The following CCT5 variants were observed in gnomAD, a reference collection of about 807,000 sequenced individuals.
The protein encoded by CCT5 is chaperonin containing TCP1 subunit 5.
In CCT5, 6 loss-of-function variants were observed where a neutral mutation model predicts 55.0. The observed-to-expected ratio is 0.11, with a 90% confidence interval of 0.06 to 0.22. The LOEUF is 0.22. Ranked by LOEUF, CCT5 falls within the 10% of genes least tolerant of loss-of-function variation. The pLI is 1.00. For missense variants in CCT5, 560 were observed against 694.6 expected (o/e 0.81, Z 2.18); for synonymous variants, 231 against 243.7 (o/e 0.95, Z 0.49).
At chr5:10,252,285 T>C (rs913076415) in intron 1 of CCT5, among the ~76,000 whole-genome samples, 8 of 152,060 alleles carry the variant, frequency 5.3e-5, no homozygotes, top group Non-Finnish European at 1.2e-4. Flanking sequence ...AACCAAAATA[T>C]ATGGAAATTG....
At chr5:10,252,782 AAC>A (rs1355139000) in intron 1 of CCT5, among the ~76,000 whole-genome samples, 1 of 152,216 alleles carries the variant, frequency 6.6e-6, no homozygotes, top group African/African-American at 2.4e-5. Context: ...TCCCTCTGGA[AAC>A]ACACAGAACT....
At chr5:10,253,551 C>G (rs1745533830) in intron 1 of CCT5, among the ~76,000 whole-genome samples, 1 of 152,158 alleles carries the variant, frequency 6.6e-6, no homozygotes, top group Non-Finnish European at 1.5e-5. Context: ...GCATCCAGCT[C>G]AAAAGATTAC....
intron 7 of CCT5, chr5:10,261,306 G>A (rs1579455636): frequency 1.9e-6 from 1 of 531,830 alleles, no homozygotes; most frequent in Admixed American, 3.2e-5. Flanking sequence ...TGGGAGATGA[G>A]GGTATGAGCT....
In CCT5 at chr5:10,258,150, G is replaced by C. The variant is rs1481835420; in HGVS notation, c.570G>C (p.Val190=). ...SCHRQMAEIA[V]NAVLTVADME... ...ACCGACAGATGGCTGAGATTGCTGTGAATGCCGTCCTCACTGTAGCAGATA... is the reference window on the plus strand; with the variant it reads ...ACCGACAGATGGCTGAGATTGCTGTCAATGCCGTCCTCACTGTAGCAGATA... The change falls in exon 5 of 11, where the codon GTG becomes GTC. Residue 190 remains valine (V), a synonymous_variant. Coordinates refer to ENST00000280326, the MANE Select transcript of CCT5 (RefSeq NM_012073.5). The C allele has an allele frequency of 5.0e-6, 8 of 1,614,108 alleles. No homozygotes were observed. The African/African-American group carries it at 6.7e-5, about 13-fold the overall frequency.
intron 4 of CCT5, among the ~76,000 whole-genome samples, chr5:10,256,561 AAACTAGCCAGGCATGGTAGC>A (rs1231369084): frequency 6.6e-6 from 1 of 152,116 alleles, no homozygotes; most frequent in Non-Finnish European, 1.5e-5. Flanking sequence ...ACAAAACAAA[AAACTAGCCAGGCATGGTAGC>A]ACACACTTCA....
intron 6 of CCT5, among the ~76,000 whole-genome samples, chr5:10,258,809 C>T (rs745421184): frequency 7.2e-5 from 11 of 152,144 alleles, no homozygotes; most frequent in Non-Finnish European, 1.5e-4. Context: ...CTGACTAACA[C>T]GGTGAAACGC....
chr5:10,261,111 C>T lies in CCT5; in HGVS notation c.993+200C>T, dbSNP rs2578637. The T allele has an allele frequency of 0.016, 10,743 of 658,272 alleles. 852 individuals carry two copies. In the East Asian group the frequency reaches 0.21, roughly 13 times the overall value. The allele number at this position is 658,272 out of a possible 1,614,324, so 40.8% of individuals were successfully genotyped here. ...GCTGTGTGTTTCTGGTGTTCCCTGG[C>T]ATTTTGAAATTCTCTCCCTGTGTTG... On this transcript the variant is annotated intron_variant, in intron 7 of 10. Coordinates refer to ENST00000280326, the MANE Select transcript of CCT5 (RefSeq NM_012073.5).
intron 1 of CCT5, among the ~76,000 whole-genome samples, chr5:10,252,540 G>A (rs760142910): frequency 2.0e-5 from 3 of 151,856 alleles, no homozygotes; most frequent in Non-Finnish European, 4.4e-5. Flanking sequence ...GCTGGAACCT[G>A]GGAGGCAGAG....
At chr5:10,249,931 AAAACCGG>A, upstream of CCT5, 1 of 649,776 alleles carries the variant, frequency 1.5e-6, no homozygotes, top group Non-Finnish European at 1.9e-6. Context: ...AAAAAAAAAA[AAAACCGG>A]AAATGGGTCC....
chr5:10,264,207 A>G (rs990938418), intron 10 of CCT5, among the ~76,000 whole-genome samples: 6 of 152,148 alleles, frequency 3.9e-5, no homozygotes, highest in African/African-American at 1.4e-4. Flanking sequence ...CCCGGGACGC[A>G]GAGGTTCCAG....
At chr5:10,250,183 A>G, upstream of CCT5, 7 of 1,544,220 alleles carry the variant, frequency 4.5e-6, no homozygotes, top group Admixed American at 2.0e-5. Flanking sequence ...TCCAGAAGAT[A>G]CTGTCTGGCG....
At chr5:10,250,977 C>G in intron 1 of CCT5, 1 of 573,624 alleles carries the variant, frequency 1.7e-6, no homozygotes, top group Non-Finnish European at 2.2e-6. Flanking sequence ...GAAAAACGGA[C>G]GCACATAACC....
Position 10,263,215 on chromosome 5 carries a change from G to A in CCT5, c.1399G>A (p.Gly467Ser). 1 of 1,614,144 alleles carries A rather than the reference G, an allele frequency of 6.2e-7. No individual in the cohort carries two copies. Among genetic ancestry groups the A allele is most frequent in the Non-Finnish European group, 8.5e-7 (1 of 1,180,006 alleles). Residue 467 changes from glycine (G) to serine (S), a missense_variant, in exon 10 of 11, where the codon GGC becomes AGC. By Grantham distance (56) the Gly-to-Ser change is moderately conservative. Transcript: ENST00000280326. ...CCCCATGGCCCTCTCTGAAAACAGT[G>A]GCATGAATCCCATCCAGACTATGAC... ...VIPMALSENSGMNPIQTMTEV... is the reference protein window; with the variant it reads ...VIPMALSENSSMNPIQTMTEV...
At chr5:10,254,432 G>C in intron 2 of CCT5, 1 of 589,138 alleles carries the variant, frequency 1.7e-6, no homozygotes, top group South Asian at 2.1e-5. Flanking sequence ...CATTTCATTA[G>C]CATTTTCCAA....
chr5:10,262,446 G>T, intron 8 of CCT5, 35 bp from the exon 9 acceptor site: 1 of 1,612,332 alleles, frequency 6.2e-7, no homozygotes, highest in South Asian at 1.1e-5. Flanking sequence ...ACTAGATCTT[G>T]ATCACATTAA....
upstream of CCT5, chr5:10,249,965 C>T (rs1745278967): frequency 6.6e-7 from 1 of 1,523,316 alleles, no homozygotes; most frequent in African/African-American, 1.5e-5. Context: ...CTTCTCGGAG[C>T]CGGAGTGCGA....
chr5:10,258,589 G>T (rs1745797233), intron 6 of CCT5, 54 bp downstream of exon 6: 1 of 1,481,894 alleles, frequency 6.7e-7, no homozygotes, highest in East Asian at 2.3e-5. Flanking sequence ...GGTACAGTTA[G>T]TTAGGTTTGG....
intron 2 of CCT5, 178 bp downstream of exon 2, chr5:10,254,383 A>C (rs1276666907): frequency 4.3e-5 from 25 of 579,214 alleles, no homozygotes; most frequent in Admixed American, 1.9e-4. Flanking sequence ...GTGCAATATT[A>C]GGTCGGACCT....
chr5:10,263,449 A>AT (rs1246949150), intron 10 of CCT5, 135 bp downstream of exon 10: 2 of 789,620 alleles, frequency 2.5e-6, no homozygotes, highest in Non-Finnish European at 4.1e-6. Context: ...CAAGTCCTGA[A>AT]TTTTAGAATG....
Sources: gnomAD v4.1 joint callset for allele counts (sites outside exome capture counted in the v4.1 genomes callset) on GRCh38, gnomAD v4.1.1 for gene constraint, MANE v1.5 for transcripts, NCBI Gene and HGNC (gene_info 2026-07-23, HGNC 2026-07-21) for gene names.